Variants in FHIT observed in about 807,000 individuals in gnomAD.
The protein encoded by FHIT is fragile histidine triad diadenosine triphosphatase, also known as bis(5'-adenosyl)-triphosphatase.
Under a neutral mutation model 17.9 loss-of-function variants are expected in FHIT, and 19 were observed. The observed-to-expected ratio is 1.06, with a 90% CI of 0.74 to 1.56. FHIT has a LOEUF of 1.56. FHIT is among the 40% of genes most tolerant of loss of function. The pLI is 0.00. For missense variants in FHIT, 248 were observed against 189.2 expected (o/e 1.31, Z -1.82); for synonymous variants, 81 against 69.7 (o/e 1.16, Z -0.81).
intron 4 of FHIT, among the ~76,000 whole-genome samples, chr3:60,614,810 T>G (rs570642063): frequency 2.5e-4 from 5 of 20,316 alleles, no homozygotes; most frequent in South Asian, 1.3e-3. Context: ...GCAAAAGTTG[T>G]TTTTTTTTTG....
At chr3:60,689,849 G>A (rs1345450997) in intron 4 of FHIT, among the ~76,000 whole-genome samples, 3 of 152,014 alleles carry the variant, frequency 2.0e-5, no homozygotes, top group Non-Finnish European at 4.4e-5. Flanking sequence ...GCTTATTAAA[G>A]CATTATTTTG....
rs550523321 is a variant in FHIT, at chr3:60,257,290, C to T, written c.104-243138G>A. ...TCCTAACAGATCCTTGCTCTAAAAC[C>T]TTCAATGGACACCAGTTGCCAAATG... is the stretch of plus-strand genomic sequence containing the variant. On this transcript the variant is annotated intron_variant, in intron 5 of 9. Coordinates refer to ENST00000492590, the MANE Select transcript of FHIT (RefSeq NM_002012.4). Among the ~76,000 whole-genome samples, 4 of 152,282 alleles carry T rather than the reference C, an allele frequency of 2.6e-5. 1 individual carries two copies. Among genetic ancestry groups the T allele is most frequent in the African/African-American group, 4.8e-5 (2 of 41,566 alleles).
intron 4 of FHIT, among the ~76,000 whole-genome samples, chr3:60,634,290 AC>A (rs769345099): frequency 5.0e-4 from 71 of 142,724 alleles, no homozygotes; most frequent in Admixed American, 5.0e-4. Flanking sequence ...CTCTAAAACA[AC>A]AAAAAAAAAA....
intron 3 of FHIT, among the ~76,000 whole-genome samples, chr3:60,887,196 C>T (rs1289538546): frequency 6.6e-6 from 1 of 151,766 alleles, no homozygotes; most frequent in African/African-American, 2.4e-5. Flanking sequence ...GCAGAACTAA[C>T]TTGTTTAGGT....
At chr3:60,744,135 C>T (rs533397028) in intron 4 of FHIT, among the ~76,000 whole-genome samples, 1 of 151,864 alleles carries the variant, frequency 6.6e-6, no homozygotes, top group East Asian at 1.9e-4. Flanking sequence ...GCTACTATTT[C>T]AATGCCTGGT....
intron 8 of FHIT, among the ~76,000 whole-genome samples, chr3:59,779,602 G>GCT (rs1356239991): frequency 6.6e-6 from 1 of 151,784 alleles, no homozygotes; most frequent in Non-Finnish European, 1.5e-5. Flanking sequence ...CTTCTTATAA[G>GCT]CTAAGTTACA....
chr3:60,029,879 T>TTGTGTG (rs746113510), intron 5 of FHIT, among the ~76,000 whole-genome samples: 1,874 of 131,472 alleles, frequency 0.014, 47 homozygotes, highest in South Asian at 0.081. Flanking sequence ...CATAGAAGCA[T>TTGTGTG]TGTGTGTGTG....
intron 7 of FHIT, among the ~76,000 whole-genome samples, chr3:59,972,007 C>T (rs1708208698): frequency 6.6e-6 from 1 of 152,138 alleles, no homozygotes; most frequent in Non-Finnish European, 1.5e-5. Flanking sequence ...ACATGCCTTG[C>T]TCCATCACAT....
intron 5 of FHIT, among the ~76,000 whole-genome samples, chr3:60,302,210 C>A (rs915625688): frequency 6.6e-6 from 1 of 152,020 alleles, no homozygotes; most frequent in African/African-American, 2.4e-5. Flanking sequence ...AAATTTTTAT[C>A]TCTAAGAGTT....
At chr3:60,580,023 G>C (rs1369278411) in intron 4 of FHIT, among the ~76,000 whole-genome samples, 1 of 152,134 alleles carries the variant, frequency 6.6e-6, no homozygotes, top group Non-Finnish European at 1.5e-5. Context: ...AAATTTCAGA[G>C]ATACTAGGAT....
intron 5 of FHIT, among the ~76,000 whole-genome samples, chr3:60,055,583 G>C (rs1221651774): frequency 6.6e-6 from 1 of 151,806 alleles, no homozygotes; most frequent in Non-Finnish European, 1.5e-5. Flanking sequence ...AAACAATGAA[G>C]AAAGAAGAGA....
intron 3 of FHIT, among the ~76,000 whole-genome samples, chr3:60,842,644 T>C (rs1157735271): frequency 6.4e-5 from 3 of 47,176 alleles, no homozygotes; most frequent in African/African-American, 1.6e-4. Flanking sequence ...TATATATATA[T>C]ATTTTTTTTT....
At chr3:60,261,747 G>T (rs771185328) in intron 5 of FHIT, among the ~76,000 whole-genome samples, 2 of 151,774 alleles carry the variant, frequency 1.3e-5, no homozygotes, top group Non-Finnish European at 2.9e-5. Context: ...AAGCAAGAAG[G>T]TCTCTTGGAC....
At chr3:61,014,427 T>C (rs996376677) in intron 3 of FHIT, among the ~76,000 whole-genome samples, 1 of 151,994 alleles carries the variant, frequency 6.6e-6, no homozygotes, top group African/African-American at 2.4e-5. Context: ...TCAAGAGCTA[T>C]ATTAATCTGT....
chr3:60,468,778 T>C (rs2032931832), intron 5 of FHIT, among the ~76,000 whole-genome samples: 1 of 152,220 alleles, frequency 6.6e-6, no homozygotes, highest in African/African-American at 2.4e-5. Context: ...GTAAGTTTTC[T>C]ACTTTCAGAT....
chr3:60,165,323 G>A (rs1192697441), intron 5 of FHIT, among the ~76,000 whole-genome samples: 2 of 152,208 alleles, frequency 1.3e-5, no homozygotes, highest in African/African-American at 4.8e-5. Context: ...TCCACCAGAA[G>A]AATGTTTTGT....
intron 4 of FHIT, among the ~76,000 whole-genome samples, chr3:60,637,907 A>T (rs1469642706): frequency 1.3e-5 from 2 of 152,188 alleles, no homozygotes; most frequent in Non-Finnish European, 2.9e-5. Flanking sequence ...GGAAATAGAC[A>T]TGATGAATTG....
chr3:60,358,502 T>C (rs1699767719), intron 5 of FHIT, among the ~76,000 whole-genome samples: 1 of 152,208 alleles, frequency 6.6e-6, no homozygotes, highest in African/African-American at 2.4e-5. Context: ...TCTTAAGACG[T>C]AAATCACAAT....
At chr3:60,416,206 T>TA (rs1702243317) in intron 5 of FHIT, among the ~76,000 whole-genome samples, 1 of 151,998 alleles carries the variant, frequency 6.6e-6, no homozygotes, top group Non-Finnish European at 1.5e-5. Context: ...CATAAGATCA[T>TA]AAAAAAGTCA....
Sources: allele counts gnomAD v4.1 joint callset (sites outside exome capture counted in the v4.1 genomes callset), GRCh38; gene constraint gnomAD v4.1.1; transcripts MANE v1.5; gene names NCBI Gene and HGNC (gene_info 2026-07-23, HGNC 2026-07-21).